SNAP23: variants seen among roughly 807,000 people sequenced by gnomAD.
SNAP23 encodes the protein synaptosome associated protein 23, also known as synaptosomal-associated protein 23.
SNAP23 carries 11 observed loss-of-function variants against 29.0 expected under a neutral mutation model. The ratio of observed to expected loss-of-function variants is 0.38; its 90% CI spans 0.24 to 0.63. SNAP23 has a LOEUF of 0.63. Among genes scored for constraint, SNAP23 ranks in the 20% least tolerant of loss-of-function variants. The probability of loss-of-function intolerance (pLI) is 0.58; values close to 1 mark genes in which losing one functional copy is unlikely to be tolerated. For synonymous variants in SNAP23, 60 were observed against 82.9 expected (o/e 0.72, Z 1.50); for missense variants, 220 against 253.9 (o/e 0.87, Z 0.91).
intron 1 of SNAP23, among the ~76,000 whole-genome samples, chr15:42,497,412 T>G (rs1487327608): frequency 6.6e-6 from 1 of 152,132 alleles, no homozygotes; most frequent in Non-Finnish European, 1.5e-5. Flanking sequence ...TTTTGCCATG[T>G]TGGCCAGGCT....
intron 6 of SNAP23, 141 bp downstream of exon 6, chr15:42,528,561 C>A: frequency 1.2e-6 from 1 of 864,722 alleles, no homozygotes; most frequent in Non-Finnish European, 1.7e-6. Flanking sequence ...AAAAATCTGC[C>A]CACTGACAAA....
intron 5 of SNAP23, among the ~76,000 whole-genome samples, chr15:42,519,371 C>A (rs1292739914): frequency 1.4e-5 from 2 of 146,298 alleles, no homozygotes; most frequent in African/African-American, 5.1e-5. Flanking sequence ...CTTTTCTTTT[C>A]TTTTTCTTTT....
chr15:42,527,766 G>A (rs561162772), intron 5 of SNAP23, among the ~76,000 whole-genome samples: 1 of 152,104 alleles, frequency 6.6e-6, no homozygotes, highest in South Asian at 2.1e-4. Context: ...GAGTACAGGC[G>A]TGAGCCACTG....
intron 1 of SNAP23, among the ~76,000 whole-genome samples, chr15:42,497,148 C>T (rs577327943): frequency 2.6e-4 from 39 of 150,344 alleles, no homozygotes; most frequent in Non-Finnish European, 5.0e-4. Flanking sequence ...AGCGATTCTC[C>T]TCCCTCACAC....
intron 2 of SNAP23, 94 bp downstream of exon 2, chr15:42,511,997 C>G: frequency 3.1e-6 from 2 of 646,324 alleles, no homozygotes; most frequent in Non-Finnish European, 5.1e-6. Flanking sequence ...TGGCCTCTTC[C>G]TAGTCCATTA....
chr15:42,510,306 T>C (rs1023952394), intron 1 of SNAP23, among the ~76,000 whole-genome samples: 3 of 151,942 alleles, frequency 2.0e-5, no homozygotes, highest in African/African-American at 4.8e-5. Context: ...TGGCTAATTT[T>C]TGTATATTTG....
At chr15:42,527,787 C>T (rs2057517645) in intron 5 of SNAP23, among the ~76,000 whole-genome samples, 1 of 152,056 alleles carries the variant, frequency 6.6e-6, no homozygotes, top group Non-Finnish European at 1.5e-5. Flanking sequence ...CACCCAGCAT[C>T]AGCCTTCTTA....
chr15:42,508,471 T>C (rs1013943345), intron 1 of SNAP23, among the ~76,000 whole-genome samples: 1 of 152,128 alleles, frequency 6.6e-6, no homozygotes, highest in African/African-American at 2.4e-5. Context: ...CTTAGGCAGC[T>C]GCATCCTGGC....
Position 42,510,674 on chromosome 15 carries a change from C to T in SNAP23, c.-14-1159C>T, listed in dbSNP as rs2057352457. 2.0e-5 allele frequency among the ~76,000 whole-genome samples: 3 copies of T among 152,152 alleles called. No homozygotes were observed. In the South Asian group the frequency reaches 6.2e-4, roughly 32 times the overall value. On this transcript the variant is annotated intron_variant, in intron 1 of 7. Transcript: ENST00000249647. ...GGTGTTAGAGATACAAAGATAAAAT[C>T]TCTGCCTTCCAAGAATTCAGTCCAG... is the stretch of plus-strand genomic sequence containing the variant.
At chr15:42,499,504 C>A (rs1012723725) in intron 1 of SNAP23, among the ~76,000 whole-genome samples, 1 of 152,010 alleles carries the variant, frequency 6.6e-6, no homozygotes, top group South Asian at 2.1e-4. Flanking sequence ...TAATTTTTGC[C>A]ATTTAGAGTA....
chr15:42,511,740 T>C (rs1180288319), intron 1 of SNAP23, 93 bp from the exon 2 acceptor site: 8 of 611,608 alleles, frequency 1.3e-5, no homozygotes, highest in Non-Finnish European at 2.2e-5. Flanking sequence ...GATAAGTTCC[T>C]AAATTCCATA....
At chr15:42,513,378 G>C in intron 3 of SNAP23, 21 bp from the exon 4 acceptor site, 3 of 1,611,724 alleles carry the variant, frequency 1.9e-6, no homozygotes, top group Non-Finnish European at 2.5e-6. Context: ...TGTACTATCA[G>C]CTTTTCCCCC....
chr15:42,503,745 C>T (rs2057295392), intron 1 of SNAP23, among the ~76,000 whole-genome samples: 1 of 151,990 alleles, frequency 6.6e-6, no homozygotes, highest in African/African-American at 2.4e-5. Flanking sequence ...TCAGGTGATC[C>T]ACCCACCTTG....
chr15:42,499,604 G>A (rs1431052971), intron 1 of SNAP23, among the ~76,000 whole-genome samples: 31 of 152,002 alleles, frequency 2.0e-4, no homozygotes, highest in Admixed American at 2.0e-3. Flanking sequence ...TGGTTTTTAT[G>A]TATTTTATAG....
intron 6 of SNAP23, among the ~76,000 whole-genome samples, chr15:42,528,924 G>A (rs1030431065): frequency 1.3e-5 from 2 of 152,048 alleles, no homozygotes; most frequent in Admixed American, 6.6e-5. Flanking sequence ...CTTGGGTGAT[G>A]GAATTAACTT....
At chr15:42,499,884 C>CTGTAAT in intron 1 of SNAP23, among the ~76,000 whole-genome samples, 1 of 152,144 alleles carries the variant, frequency 6.6e-6, no homozygotes, top group African/African-American at 2.4e-5. Context: ...TGGTTCATGC[C>CTGTAAT]TGTAATTCCA....
chr15:42,504,140 G>A (rs1177639309), intron 1 of SNAP23, among the ~76,000 whole-genome samples: 2 of 151,430 alleles, frequency 1.3e-5, no homozygotes, highest in Admixed American at 6.6e-5. Context: ...GACCAGCCTG[G>A]GCAACATAGT....
At chr15:42,528,147 A>C in intron 5 of SNAP23, 115 bp from the exon 6 acceptor site, 1 of 626,602 alleles carries the variant, frequency 1.6e-6, no homozygotes, top group Non-Finnish European at 2.6e-6. Flanking sequence ...ACTTAGCTGT[A>C]TGCAGCTTTT....
intron 5 of SNAP23, 127 bp from the exon 6 acceptor site, chr15:42,528,135 A>C: frequency 7.3e-6 from 4 of 544,406 alleles, no homozygotes; most frequent in South Asian, 3.2e-5. Flanking sequence ...TAGATCATCT[A>C]GACTTAGCTG....
Sources: gnomAD v4.1 joint callset for allele counts (sites outside exome capture counted in the v4.1 genomes callset) on GRCh38, gnomAD v4.1.1 for gene constraint, MANE v1.5 for transcripts, NCBI Gene and HGNC (gene_info 2026-07-23, HGNC 2026-07-21) for gene names.